OPRM1: variants seen among roughly 807,000 people sequenced by gnomAD.
OPRM1 encodes opioid receptor mu 1.
A neutral mutation model predicts 31.8 loss-of-function variants in OPRM1; 27 were observed. The observed-to-expected ratio is 0.85, with a 90% CI of 0.63 to 1.17. OPRM1 has a LOEUF of 1.17. Ranked by LOEUF, OPRM1 falls within the 50% of genes most tolerant of loss-of-function variation. The pLI, the probability that OPRM1 is intolerant of heterozygous loss-of-function variation, is 0.00. For missense variants in OPRM1, 536 were observed against 511.1 expected, an observed-to-expected ratio of 1.05 and a Z score of -0.47; for synonymous variants, 196 against 189.9, an observed-to-expected ratio of 1.03 and a Z score of -0.26.
chr6:154,016,843 A>G (rs866088369), intron 1 of OPRM1, among the ~76,000 whole-genome samples: 2 of 152,200 alleles, frequency 1.3e-5, no homozygotes, highest in South Asian at 4.1e-4. Context: ...AGTCTGGTGG[A>G]GAGTTTCTCA....
At chr6:154,082,171 T>C (rs1252580362) in intron 1 of OPRM1, among the ~76,000 whole-genome samples, 2 of 152,232 alleles carry the variant, frequency 1.3e-5, no homozygotes, top group Non-Finnish European at 2.9e-5. Flanking sequence ...GAAAAAAATG[T>C]TTTGTCTTAC....
chr6:154,171,491 C>A (rs1799866325), intron 3 of OPRM1, among the ~76,000 whole-genome samples: 1 of 151,806 alleles, frequency 6.6e-6, no homozygotes, highest in African/African-American at 2.4e-5. Context: ...TGGAGAATGG[C>A]AGCTAATGTG....
intron 3 of OPRM1, chr6:154,093,503 T>C: frequency 1.2e-6 from 2 of 1,602,376 alleles, no homozygotes; most frequent in South Asian, 1.1e-5. Context: ...AAATTCGGCA[T>C]TTTCACATCA....
intron 3 of OPRM1, among the ~76,000 whole-genome samples, chr6:154,202,307 C>T (rs1489445577): frequency 1.3e-5 from 2 of 152,126 alleles, no homozygotes; most frequent in African/African-American, 4.8e-5. Context: ...CCTTACATCA[C>T]TTAGATCTTT....
intron 1 of OPRM1, among the ~76,000 whole-genome samples, chr6:154,040,132 A>G (rs1779751684): frequency 6.6e-6 from 1 of 152,140 alleles, no homozygotes; most frequent in Non-Finnish European, 1.5e-5. Flanking sequence ...ATAGACTTGG[A>G]GCGCTTCCTT....
chr6:154,142,513 A>G (rs1798245218), intron 3 of OPRM1, among the ~76,000 whole-genome samples: 1 of 152,124 alleles, frequency 6.6e-6, no homozygotes, highest in Admixed American at 6.5e-5. Flanking sequence ...GCCACTGAGC[A>G]TGCAGGCGGC....
At chr6:154,202,250 A>T (rs1038527730) in intron 3 of OPRM1, among the ~76,000 whole-genome samples, 2 of 152,036 alleles carry the variant, frequency 1.3e-5, no homozygotes, top group Non-Finnish European at 2.9e-5. Context: ...GCACGTACAT[A>T]AAAAAAATCC....
chr6:154,012,930 T>G (rs1242810324), intron 1 of OPRM1, among the ~76,000 whole-genome samples: 2 of 152,064 alleles, frequency 1.3e-5, no homozygotes, highest in African/African-American at 4.8e-5. Context: ...CATCCCATCA[T>G]AAGAGCTCCA....
chr6:154,164,645 TCA>T (rs1332761225), intron 3 of OPRM1, among the ~76,000 whole-genome samples: 1 of 152,170 alleles, frequency 6.6e-6, no homozygotes, highest in East Asian at 1.9e-4. Flanking sequence ...CTCCAAATAG[TCA>T]GTGTGTGGCT....
At chr6:154,033,121 A>C (rs1779102381) in intron 1 of OPRM1, among the ~76,000 whole-genome samples, 1 of 152,228 alleles carries the variant, frequency 6.6e-6, no homozygotes, top group African/African-American at 2.4e-5. Flanking sequence ...GAAAGCATTA[A>C]GATAAACCAA....
At chr6:154,167,141 C>T (rs1015300363) in intron 3 of OPRM1, among the ~76,000 whole-genome samples, 2 of 152,200 alleles carry the variant, frequency 1.3e-5, no homozygotes, top group African/African-American at 4.8e-5. Context: ...AAACAAAATT[C>T]ACTTACAGAA....
At chr6:154,197,751 G>C (rs1421019911) in intron 3 of OPRM1, among the ~76,000 whole-genome samples, 1 of 152,160 alleles carries the variant, frequency 6.6e-6, no homozygotes, top group Non-Finnish European at 1.5e-5. Flanking sequence ...TCAACCTCCA[G>C]GGTTATCTCT....
chr6:154,086,685 A>C (rs1790657603), intron 1 of OPRM1: 1 of 985,206 alleles, frequency 1.0e-6, no homozygotes, highest in Non-Finnish European at 1.2e-6. Flanking sequence ...GGTTGGAAGT[A>C]TGATGAGTCA....
chr6:154,047,947 C>T (rs1266907368), intron 1 of OPRM1, among the ~76,000 whole-genome samples: 1 of 152,132 alleles, frequency 6.6e-6, no homozygotes, highest in Admixed American at 6.5e-5. Flanking sequence ...AACTTCTCCC[C>T]ATTTCTCCAC....
In OPRM1 at chr6:154,120,155, G is replaced by A. The variant is rs757347935; in HGVS notation, c.*1434G>A. 2.0e-5 allele frequency among the ~76,000 whole-genome samples: 3 copies of A among 152,106 alleles called. No individual in the cohort carries two copies. The highest frequency in any genetic ancestry group is 4.4e-5 in the Non-Finnish European group (3 of 68,004). On this transcript the variant is annotated 3_prime_UTR_variant, in exon 4 of 4. Coordinates refer to ENST00000330432, the MANE Select transcript of OPRM1 (RefSeq NM_000914.5). ...CTATGATGATACAAGTAAAAAACTA[G>A]GCTGCTGACTTCTGAGTATTCCTGA...
intron 3 of OPRM1, among the ~76,000 whole-genome samples, chr6:154,201,325 T>G (rs1777051874): frequency 6.6e-6 from 1 of 152,212 alleles, no homozygotes; most frequent in Non-Finnish European, 1.5e-5. Context: ...ATGCCTTCTT[T>G]TTAAAAAATG....
At position 154,199,901 on chromosome 6, in the gene OPRM1, A is replaced by G. The variant is rs781245102; in HGVS notation, c.1165-46792A>G. ...ATCTTCAGCAGCAGACAAACTGTTA[A>G]CTGTGTCAGGCAAGGATTGTCTCTC... On this transcript the variant is annotated intron_variant, in intron 3 of 3. Coordinates refer to the OPRM1 transcript ENST00000337049. The G allele has an allele frequency of 1.3e-5, 21 of 1,614,092 alleles. No homozygotes were observed. In the Admixed American group the frequency reaches 3.2e-4, roughly 24 times the overall value.
intron 1 of OPRM1, among the ~76,000 whole-genome samples, chr6:154,081,744 A>G (rs575242622): frequency 2.0e-5 from 3 of 152,230 alleles, no homozygotes; most frequent in African/African-American, 7.2e-5. Context: ...TTACAACACA[A>G]TCAGCAATGC....
In OPRM1 at chr6:154,199,840, A is replaced by G. The variant is rs201899906; in HGVS notation, c.1165-46853A>G. 76 of 1,614,224 alleles carry G rather than the reference A, an allele frequency of 4.7e-5. 2 individuals are homozygous for G. In the East Asian group the frequency reaches 1.6e-3, roughly 34 times the overall value. On this transcript the variant is annotated intron_variant, in intron 3 of 3. Coordinates refer to the OPRM1 transcript ENST00000337049. Reference sequence around the variant, plus strand: ...TGCCTGCCTCTGAGGGTACAGGTGAATGAACTTGCACAGCAAACGTTATTG... The same window carrying G: ...TGCCTGCCTCTGAGGGTACAGGTGAGTGAACTTGCACAGCAAACGTTATTG...
Sources: gnomAD v4.1 joint callset for allele counts (sites outside exome capture counted in the v4.1 genomes callset) on GRCh38, gnomAD v4.1.1 for gene constraint, MANE v1.5 for transcripts, NCBI Gene and HGNC (gene_info 2026-07-23, HGNC 2026-07-21) for gene names.